The following RANBP2 variants were observed in gnomAD, a reference collection of about 807,000 sequenced individuals.
RANBP2 encodes the protein E3 SUMO-protein ligase RanBP2.
Under a neutral mutation model 303.6 loss-of-function variants are expected in RANBP2, and 57 were observed. The observed-to-expected ratio is 0.19, with a 90% CI of 0.15 to 0.23. The LOEUF is 0.23. Ranked by LOEUF, RANBP2 falls within the 10% of genes least tolerant of loss-of-function variation. The pLI is 1.00. For synonymous variants in RANBP2, 1,167 were observed against 1,301.5 expected (o/e 0.90, Z 2.23); for missense variants, 3,138 against 3,780.8 (o/e 0.83, Z 4.46).
intron 18 of RANBP2, 115 bp downstream of exon 18, chr2:108,758,663 A>G: frequency 1.3e-6 from 2 of 1,559,306 alleles, no homozygotes; most frequent in Non-Finnish European, 1.7e-6. Flanking sequence ...ATACATGTCA[A>G]CGTCTGTTTA....
the RANBP2 span, among the ~76,000 whole-genome samples, chr2:109,095,667 A>C: frequency 6.6e-6 from 1 of 152,204 alleles, no homozygotes; most frequent in East Asian, 1.9e-4. Context: ...CCATGTGTCC[A>C]AACAACAGGG....
the RANBP2 span, among the ~76,000 whole-genome samples, chr2:108,837,374 G>C: frequency 6.6e-6 from 1 of 152,170 alleles, no homozygotes; most frequent in African/African-American, 2.4e-5. Context: ...TGCATTGCAA[G>C]AATTAATCTC....
the RANBP2 span, among the ~76,000 whole-genome samples, chr2:109,029,723 G>A: frequency 6.6e-6 from 1 of 152,186 alleles, no homozygotes; most frequent in South Asian, 2.1e-4. Context: ...GGCTGGAACA[G>A]CTGCAGGACA....
the RANBP2 span, among the ~76,000 whole-genome samples, chr2:109,499,636 C>T: frequency 2.0e-5 from 3 of 152,168 alleles, no homozygotes; most frequent in African/African-American, 7.2e-5. Context: ...GGCACAAGGC[C>T]CAACTGGTTC....
chr2:109,353,687 G>A, the RANBP2 span, among the ~76,000 whole-genome samples: 9 of 151,764 alleles, frequency 5.9e-5, no homozygotes, highest in African/African-American at 1.9e-4. Context: ...ACCCTAGACT[G>A]CGTGCCCAAT....
At chr2:109,475,523 A>C in the RANBP2 span, among the ~76,000 whole-genome samples, 1 of 152,196 alleles carries the variant, frequency 6.6e-6, no homozygotes, top group African/African-American at 2.4e-5. Flanking sequence ...TGCCTCATAC[A>C]GTTGGCTGTG....
the RANBP2 span, among the ~76,000 whole-genome samples, chr2:109,523,846 C>T: frequency 7.2e-5 from 11 of 152,208 alleles, no homozygotes; most frequent in African/African-American, 2.2e-4. Flanking sequence ...CAGCCTGCGA[C>T]GGTCTCCCTC....
chr2:109,175,946 TC>T, the RANBP2 span, among the ~76,000 whole-genome samples: 1 of 152,244 alleles, frequency 6.6e-6, no homozygotes, highest in African/African-American at 2.4e-5. Flanking sequence ...ACTTTATTTT[TC>T]TGGATCACTT....
intron 6 of RANBP2, among the ~76,000 whole-genome samples, chr2:108,738,983 CAG>C (rs1217848302): frequency 1.3e-5 from 2 of 152,106 alleles, no homozygotes; most frequent in Non-Finnish European, 2.9e-5. Context: ...AAAAAGTAGT[CAG>C]AAAGTGTCAT....
At chr2:109,491,887 C>G in the RANBP2 span, among the ~76,000 whole-genome samples, 1 of 152,224 alleles carries the variant, frequency 6.6e-6, no homozygotes, top group Non-Finnish European at 1.5e-5. Context: ...CAGCCTCTGC[C>G]CTGAACACCT....
the RANBP2 span, among the ~76,000 whole-genome samples, chr2:108,910,127 C>T: frequency 6.6e-6 from 1 of 152,186 alleles, no homozygotes; most frequent in Non-Finnish European, 1.5e-5. Context: ...GTGTTGGCCG[C>T]AACAGGCATG....
At chr2:109,045,073 G>T in the RANBP2 span, among the ~76,000 whole-genome samples, 1 of 152,136 alleles carries the variant, frequency 6.6e-6, no homozygotes, top group Non-Finnish European at 1.5e-5. Flanking sequence ...AGGGCAGAGG[G>T]AGTTGGAGAA....
the RANBP2 span, among the ~76,000 whole-genome samples, chr2:109,179,180 TG>T: frequency 6.6e-6 from 1 of 152,176 alleles, no homozygotes; most frequent in African/African-American, 2.4e-5. Flanking sequence ...ATACGTATCT[TG>T]CAGCTGCGTG....
chr2:109,688,781 T>TAAA, the RANBP2 span, among the ~76,000 whole-genome samples: 269 of 43,722 alleles, frequency 6.2e-3, 31 homozygotes, highest in African/African-American at 0.015. Context: ...TCTGTCTCAA[T>TAAA]AAAAAAAAAA....
the RANBP2 span, among the ~76,000 whole-genome samples, chr2:109,716,247 T>TA: frequency 1.3e-5 from 2 of 151,842 alleles, no homozygotes; most frequent in Non-Finnish European, 1.5e-5. Context: ...TTTATTTTTT[T>TA]TAAAAAAAAT....
chr2:109,453,003 C>G, the RANBP2 span, among the ~76,000 whole-genome samples: 116 of 151,932 alleles, frequency 7.6e-4, no homozygotes, highest in Middle Eastern at 0.01. Context: ...AGGCTGGTCC[C>G]CGGGAAACTG....
the RANBP2 span, among the ~76,000 whole-genome samples, chr2:109,322,882 C>A: frequency 2.2e-4 from 33 of 152,306 alleles, no homozygotes; most frequent in Admixed American, 5.2e-4. Context: ...CATGCACAAA[C>A]CTTGTAATGT....
chr2:109,223,726 G>A, the RANBP2 span, among the ~76,000 whole-genome samples: 5 of 152,114 alleles, frequency 3.3e-5, no homozygotes, highest in Admixed American at 3.3e-4. Flanking sequence ...ATGTGTCGTT[G>A]TCTTTCCTTG....
the RANBP2 span, among the ~76,000 whole-genome samples, chr2:108,804,222 A>G: frequency 2.2e-4 from 33 of 152,332 alleles, 1 homozygote; most frequent in South Asian, 1.2e-3. Context: ...CTTTATAAGT[A>G]AGTTGAAAGT....
Sources: allele counts gnomAD v4.1 joint callset (sites outside exome capture counted in the v4.1 genomes callset), GRCh38; gene constraint gnomAD v4.1.1; transcripts MANE v1.5; gene names NCBI Gene and HGNC (gene_info 2026-07-23, HGNC 2026-07-21).